DYNC2H1: variants seen among roughly 807,000 people sequenced by gnomAD.
DYNC2H1 encodes cytoplasmic dynein 2 heavy chain 1.
DYNC2H1 carries 410 observed loss-of-function variants against 570.0 expected under a neutral mutation model. The ratio of observed to expected loss-of-function variants is 0.72; its 90% CI spans 0.66 to 0.78. DYNC2H1 has a LOEUF of 0.78. DYNC2H1 is among the 30% of genes least tolerant of loss of function. The pLI is 0.00. For missense variants in DYNC2H1, 4,865 were observed against 5,046.4 expected (o/e 0.96, Z 1.09); for synonymous variants, 1,688 against 1,677.6 (o/e 1.01, Z -0.15).
intron 84 of DYNC2H1, among the ~76,000 whole-genome samples, chr11:103,416,848 A>G (rs1305628374): frequency 2.0e-5 from 3 of 152,228 alleles, no homozygotes; most frequent in Admixed American, 6.5e-5. Context: ...CAGACAACCT[A>G]TAGAATGGGG....
intron 60 of DYNC2H1, among the ~76,000 whole-genome samples, chr11:103,231,577 CAAGTT>C (rs1354619632): frequency 9.7e-6 from 1 of 103,066 alleles, no homozygotes; most frequent in East Asian, 2.7e-4. Flanking sequence ...ATGTTATACT[CAAGTT>C]AAGGATCATT....
Position 103,133,211 on chromosome 11 carries a change from G to A in DYNC2H1, c.1954-344G>A, listed in dbSNP as rs1284568495. 2.0e-5 allele frequency among the ~76,000 whole-genome samples: 3 copies of A among 152,198 alleles called. No individual in the cohort carries two copies. The East Asian group carries it at 5.8e-4, about 29-fold the overall frequency. On this transcript the variant is annotated intron_variant, in intron 13 of 88. Coordinates refer to ENST00000375735, the MANE Select transcript of DYNC2H1 (RefSeq NM_001377.3). This position sits in a 1 kb window ranked among gnomAD's most constrained non-coding sequence, Gnocchi z 4.8. ...GTTCCAGATTGGAATCTTCTCTAGC[G>A]CCCTGTCCTGGATGTATAGGAGATA...
At chr11:103,360,424 C>A (rs1008590506) in intron 83 of DYNC2H1, among the ~76,000 whole-genome samples, 2 of 152,030 alleles carry the variant, frequency 1.3e-5, no homozygotes, top group African/African-American at 4.8e-5. Context: ...TCATTACTTA[C>A]TATCATCACC....
rs1420284617 is a variant in DYNC2H1, at chr11:103,189,918, C to T, written c.7437+102C>T. The T allele has an allele frequency of 8.0e-7, 1 of 1,256,422 alleles. No homozygotes were observed. Among genetic ancestry groups the T allele is most frequent in the African/African-American group, 1.5e-5 (1 of 66,470 alleles). 77.8% of individuals were successfully genotyped at this position (1,256,422 alleles called of 1,614,324 possible). ...GTGTTGACACCCAGGCTTTACTTTC[C>T]TGTTTATTAGACTTTTCTAGTAGAG... On this transcript the variant is annotated intron_variant, in intron 45 of 88. Coordinates refer to ENST00000375735, the MANE Select transcript of DYNC2H1 (RefSeq NM_001377.3). This position sits in a 1 kb window ranked among gnomAD's most constrained non-coding sequence, Gnocchi z 4.3.
Position 103,168,827 on chromosome 11 carries a change from A to T in DYNC2H1, c.4835A>T (p.Gln1612Leu). The T allele has an allele frequency of 6.2e-7, 1 of 1,613,374 alleles. No individual in the cohort carries two copies. Among genetic ancestry groups the T allele is most frequent in the South Asian group, 1.1e-5 (1 of 91,072 alleles). Residue 1612 changes from glutamine to leucine, a missense_variant, in exon 32 of 89, where the codon CAG becomes CTG. Gln to Leu is a moderately radical substitution (Grantham distance 113). This residue lies in a region of DYNC2H1 where 1,936 missense variants were observed against 1,962.1 expected (regional missense o/e 0.99). Coordinates refer to ENST00000375735, the MANE Select transcript of DYNC2H1 (RefSeq NM_001377.3). ...ATCCATAATATTGATGTGGTAAAGC[A>T]GTTAAACCAAATTCAGGTTCATACA... ...DIIHNIDVVK[Q>L]LNQIQVHTTE...
Position 103,209,125 on chromosome 11 carries a change from G to T in DYNC2H1, c.8455-751G>T, listed in dbSNP as rs556304168. On this transcript the variant is annotated intron_variant, in intron 52 of 88. Coordinates refer to ENST00000375735, the MANE Select transcript of DYNC2H1 (RefSeq NM_001377.3). This position sits in a 1 kb window ranked among gnomAD's most constrained non-coding sequence, Gnocchi z 4.2. ...GGCTTACATTTTTTTTTCAGTCTGAGAAATTTAAAAAATGATTTTTTGACC... is the reference window on the plus strand; with the variant it reads ...GGCTTACATTTTTTTTTCAGTCTGATAAATTTAAAAAATGATTTTTTGACC... Among the ~76,000 whole-genome samples, 6 of 148,296 alleles carry T rather than the reference G, an allele frequency of 4.0e-5. No homozygotes were observed. The East Asian group carries it at 1.2e-3, about 29-fold the overall frequency.
chr11:103,155,369 T>A lies in DYNC2H1; in HGVS notation c.3612T>A (p.His1204Gln), dbSNP rs1247807652. 1 of 1,610,908 alleles carries A rather than the reference T, an allele frequency of 6.2e-7. No individual in the cohort carries two copies. The highest frequency in any genetic ancestry group is 1.1e-5 in the South Asian group (1 of 90,248). The change falls in exon 25 of 89, where the codon CAT becomes CAA. Residue 1204 changes from histidine to glutamine, a missense_variant. Physicochemically the swap from His to Gln is conservative, Grantham distance 24. Transcript: ENST00000375735. Reference protein sequence around the residue: ...IPILKYVRGEHLSPDHWLDLF... With the variant: ...IPILKYVRGEQLSPDHWLDLF... ...TCTTGAAATATGTGAGAGGGGAGCA[T>A]CTTTCTCCAGATCACTGGCTTGACC...
At position 103,156,496 on chromosome 11, in the gene DYNC2H1, C is replaced by T; in HGVS notation, c.3853C>T (p.Gln1285Ter). The part of the protein sequence containing the change: ...VFTLIDYEDS[Q>*]SRTMKLIKDW... ...TACATTAATTGATTATGAAGACAGC[C>T]AAAGTCGAACTATGAAGCTGATTAA... is the stretch of plus-strand genomic sequence containing the variant. Residue 1285 changes from glutamine (Q) to a stop codon, truncating the protein, a stop_gained, in exon 26 of 89, where the codon CAA becomes TAA. Coordinates refer to ENST00000375735, the MANE Select transcript of DYNC2H1 (RefSeq NM_001377.3). LOFTEE classifies it high-confidence loss of function. 1 of 1,613,586 alleles carries T rather than the reference C, an allele frequency of 6.2e-7. No homozygotes were observed. Among genetic ancestry groups the T allele is most frequent in the Non-Finnish European group, 8.5e-7 (1 of 1,179,692 alleles).
Position 103,109,715 on chromosome 11 carries a change from C to G in DYNC2H1, c.141C>G (p.Asn47Lys). The G allele has an allele frequency of 6.2e-7, 1 of 1,613,962 alleles. No individual in the cohort carries two copies. Residue 47 changes from asparagine (N) to lysine (K), a missense_variant, in exon 1 of 89, where the codon AAC (asparagine) becomes AAG (lysine). Coordinates refer to ENST00000375735, the MANE Select transcript of DYNC2H1 (RefSeq NM_001377.3). ...LEINNFLDDG[N>K]QMLLRVQRSD... ...TCAACAACTTCTTGGATGACGGCAA[C>G]CAGATGCTCCTCAGGGTGCAGCGAT...
chr11:103,219,313 C>T (rs1863498648), intron 55 of DYNC2H1, among the ~76,000 whole-genome samples: 1 of 152,098 alleles, frequency 6.6e-6, no homozygotes, highest in Admixed American at 6.6e-5. Flanking sequence ...AAAATCATAC[C>T]TTGAAAATTG....
intron 87 of DYNC2H1, among the ~76,000 whole-genome samples, chr11:103,467,411 T>TA (rs1491491171): frequency 2.6e-5 from 4 of 152,228 alleles, no homozygotes; most frequent in Admixed American, 2.0e-4. Context: ...ATTCCCTGAC[T>TA]GTATGTTGCT....
At chr11:103,403,453 T>A (rs988645805) in intron 84 of DYNC2H1, 21 of 151,158 alleles carry the variant, frequency 1.4e-4, no homozygotes, top group African/African-American at 4.9e-4. Context: ...CCCCTCAGTC[T>A]TTAACTTAAA....
intron 84 of DYNC2H1, among the ~76,000 whole-genome samples, chr11:103,416,764 C>A (rs1049844962): frequency 1.3e-5 from 2 of 150,258 alleles, no homozygotes; most frequent in African/African-American, 4.9e-5. Context: ...AGCAAGGCAA[C>A]AAAAGCCAAA....
At position 103,122,809 on chromosome 11, in the gene DYNC2H1, A is replaced by G; in HGVS notation, c.1486-16A>G. The G allele has an allele frequency of 1.2e-6, 2 of 1,602,854 alleles. No individual in the cohort carries two copies. The highest frequency in any genetic ancestry group is 1.1e-5 in the South Asian group (1 of 89,284). ...GAATTTAAATAATGCACATGTCTGT[A>G]ATTTGGCTTTTTAAGGTAGATGATA... On this transcript the variant is annotated splice_polypyrimidine_tract_variant and intron_variant, in intron 10 of 88. Coordinates refer to ENST00000375735, the MANE Select transcript of DYNC2H1 (RefSeq NM_001377.3).
At chr11:103,202,215 G>A (rs941055536) in intron 50 of DYNC2H1, among the ~76,000 whole-genome samples, 1 of 151,426 alleles carries the variant, frequency 6.6e-6, no homozygotes, top group South Asian at 2.1e-4. Flanking sequence ...GATATTTAAG[G>A]AATACATTCC....
chr11:103,199,102 T>C lies in DYNC2H1; in HGVS notation c.7840-126T>C, dbSNP rs1056141713. 2 of 590,772 alleles carry C rather than the reference T, an allele frequency of 3.4e-6. No individual in the cohort carries two copies. Among genetic ancestry groups the C allele is most frequent in the Non-Finnish European group, 5.4e-6 (2 of 367,406 alleles). The allele number at this position is 590,772 out of a possible 1,614,324, so 36.6% of individuals were successfully genotyped here. ...ATATAAAATATTGAGTGTGAGATGA[T>C]ATGTAGTCACTTTACTTTTTTTCTT... On this transcript the variant is annotated intron_variant, in intron 48 of 88. Coordinates refer to ENST00000375735, the MANE Select transcript of DYNC2H1 (RefSeq NM_001377.3). This position sits in a 1 kb window ranked among gnomAD's most constrained non-coding sequence, Gnocchi z 4.6.
intron 75 of DYNC2H1, among the ~76,000 whole-genome samples, chr11:103,288,505 G>T (rs1011979355): frequency 1.3e-5 from 2 of 151,282 alleles, no homozygotes; most frequent in African/African-American, 4.9e-5. Flanking sequence ...CTTGCCTGGG[G>T]ATAAGTCTGC....
intron 82 of DYNC2H1, among the ~76,000 whole-genome samples, chr11:103,336,215 C>A (rs925712046): frequency 6.6e-6 from 1 of 152,178 alleles, no homozygotes; most frequent in Non-Finnish European, 1.5e-5. Context: ...TTGTTAAAAG[C>A]ATACACTGTG....
rs1239172874 is a variant in DYNC2H1, at chr11:103,244,707, T to C, written c.9919-544T>C. On this transcript the variant is annotated intron_variant, in intron 64 of 88. Coordinates refer to ENST00000375735, the MANE Select transcript of DYNC2H1 (RefSeq NM_001377.3). This position sits in a 1 kb window ranked among gnomAD's most constrained non-coding sequence, Gnocchi z 4.3. ...GGTTATAGTTATATACATATATCAC[T>C]ATACTATATATCTTATATACATATA... Among the ~76,000 whole-genome samples the C allele has an allele frequency of 6.7e-6, 1 of 148,192 alleles. No individual in the cohort carries two copies. The highest frequency in any genetic ancestry group is 1.5e-5 in the Non-Finnish European group (1 of 67,170).
Sources: allele counts gnomAD v4.1 joint callset (sites outside exome capture counted in the v4.1 genomes callset), GRCh38; gene constraint gnomAD v4.1.1; regional missense constraint gnomAD v4.1.1; non-coding constraint Gnocchi (gnomAD v3.1); transcripts MANE v1.5; gene names NCBI Gene and HGNC (gene_info 2026-07-23, HGNC 2026-07-21).